Variants in SEMA5A observed in about 807,000 individuals in gnomAD.
The protein encoded by SEMA5A is semaphorin-5A.
SEMA5A carries 55 observed loss-of-function variants against 135.5 expected under a neutral mutation model. That is an observed-to-expected ratio of 0.41 (90% confidence interval 0.33 to 0.51). The LOEUF is 0.51. Ranked by LOEUF, SEMA5A falls within the 20% of genes least tolerant of loss-of-function variation. The pLI, the probability that SEMA5A is intolerant of heterozygous loss-of-function variation, is 0.37. For synonymous variants in SEMA5A, 580 were observed against 546.5 expected (o/e 1.06, Z -0.85); for missense variants, 1,290 against 1,419.9 (o/e 0.91, Z 1.47).
At chr5:9,241,520 A>G (rs564878760) in intron 5 of SEMA5A, among the ~76,000 whole-genome samples, 55 of 151,046 alleles carry the variant, frequency 3.6e-4, no homozygotes, top group African/African-American at 1.3e-3. Context: ...TCTAACTTAT[A>G]ATATCATTAG....
chr5:9,098,094 A>G (rs1739422613), intron 16 of SEMA5A, among the ~76,000 whole-genome samples: 1 of 151,978 alleles, frequency 6.6e-6, no homozygotes, highest in Non-Finnish European at 1.5e-5. Flanking sequence ...AAACATAAAA[A>G]TTAGCTGACT....
intron 16 of SEMA5A, among the ~76,000 whole-genome samples, chr5:9,095,378 C>T (rs1334813389): frequency 1.3e-5 from 2 of 151,958 alleles, no homozygotes; most frequent in Non-Finnish European, 2.9e-5. Context: ...CACATGTACC[C>T]CAGAACTTAA....
chr5:9,160,074 G>T (rs1743168048), intron 11 of SEMA5A, among the ~76,000 whole-genome samples: 1 of 152,104 alleles, frequency 6.6e-6, no homozygotes, highest in Non-Finnish European at 1.5e-5. Context: ...TAAGGGGAAA[G>T]AACTTAGAAG....
chr5:9,162,308 C>T (rs991658379), intron 11 of SEMA5A, among the ~76,000 whole-genome samples: 1 of 151,550 alleles, frequency 6.6e-6, no homozygotes, highest in Non-Finnish European at 1.5e-5. Context: ...CAGGGGAAAT[C>T]AGATGTATTT....
intron 12 of SEMA5A, among the ~76,000 whole-genome samples, chr5:9,151,087 A>G (rs545870548): frequency 2.8e-4 from 42 of 152,318 alleles, no homozygotes; most frequent in African/African-American, 9.1e-4. Context: ...CCTCATCTGA[A>G]CAATGGATAT....
chr5:9,067,857 C>T (rs1347179874), intron 16 of SEMA5A, among the ~76,000 whole-genome samples: 1 of 152,122 alleles, frequency 6.6e-6, no homozygotes, highest in East Asian at 1.9e-4. Context: ...ATATCTTCAT[C>T]TTTTGCTTTA....
At chr5:9,163,714 C>T (rs562413700) in intron 11 of SEMA5A, among the ~76,000 whole-genome samples, 31 of 151,838 alleles carry the variant, frequency 2.0e-4, no homozygotes, top group African/African-American at 7.0e-4. Context: ...AAAATGCAAT[C>T]GTTAGTGTAG....
chr5:9,244,747 T>C (rs1194575729), intron 5 of SEMA5A, among the ~76,000 whole-genome samples: 1 of 152,170 alleles, frequency 6.6e-6, no homozygotes, highest in African/African-American at 2.4e-5. Context: ...CGCTCAGGTG[T>C]CCTTCTAGAG....
At chr5:9,120,874 G>A (rs762960233) in intron 14 of SEMA5A, among the ~76,000 whole-genome samples, 13 of 151,860 alleles carry the variant, frequency 8.6e-5, no homozygotes, top group Non-Finnish European at 1.8e-4. Context: ...CGCCTGCTGG[G>A]TTCAAGAGAT....
intron 5 of SEMA5A, among the ~76,000 whole-genome samples, chr5:9,241,675 C>G (rs1429522255): frequency 6.6e-6 from 1 of 152,070 alleles, no homozygotes; most frequent in Non-Finnish European, 1.5e-5. Context: ...ATCCATTGGA[C>G]CGTGTTGCAC....
At chr5:9,095,956 TA>T (rs1232686864) in intron 16 of SEMA5A, among the ~76,000 whole-genome samples, 14 of 152,232 alleles carry the variant, frequency 9.2e-5, no homozygotes, top group African/African-American at 3.4e-4. Context: ...GTATTGCAAA[TA>T]ATGCTACAGT....
chr5:9,341,112 A>C (rs1753628958), intron 3 of SEMA5A, among the ~76,000 whole-genome samples: 1 of 152,028 alleles, frequency 6.6e-6, no homozygotes, highest in Non-Finnish European at 1.5e-5. Flanking sequence ...TTATAGCTTC[A>C]AAAACCCCAA....
chr5:9,477,905 T>G (rs544844747), intron 1 of SEMA5A, among the ~76,000 whole-genome samples: 1 of 152,282 alleles, frequency 6.6e-6, no homozygotes, highest in East Asian at 1.9e-4. Flanking sequence ...GGAAAACGTC[T>G]CCAAGGCATT....
chr5:9,485,329 GT>G (rs1734642238), intron 1 of SEMA5A, among the ~76,000 whole-genome samples: 1 of 152,124 alleles, frequency 6.6e-6, no homozygotes, highest in African/African-American at 2.4e-5. Context: ...AAGGTGTCAT[GT>G]GGGTCAGAAA....
rs997048760 is a variant in SEMA5A, at chr5:9,053,988, G to A, written c.2689+99C>T. 60 of 1,391,856 alleles carry A rather than the reference G, an allele frequency of 4.3e-5. 1 individual carries two copies. The Admixed American group carries it at 1.3e-3, about 30-fold the overall frequency. The allele number at this position is 1,391,856 out of a possible 1,614,324, so 86.2% of individuals were successfully genotyped here. A position where few individuals can be genotyped will look rare whatever the true frequency, so the allele number is the denominator to read the frequency against. ...TGCTAACTTGCCCACCCCCCTTTCA[G>A]TACTTACCATGATGCAGTATCATCA... On this transcript the variant is annotated intron_variant, in intron 19 of 22. Coordinates refer to ENST00000382496, the MANE Select transcript of SEMA5A (RefSeq NM_003966.3).
At chr5:9,401,442 G>T (rs1193588347) in intron 2 of SEMA5A, among the ~76,000 whole-genome samples, 1 of 152,100 alleles carries the variant, frequency 6.6e-6, no homozygotes, top group African/African-American at 2.4e-5. Context: ...AAGGCCATAT[G>T]TGCCACCTCG....
At chr5:9,464,989 TG>T (rs576769712) in intron 1 of SEMA5A, among the ~76,000 whole-genome samples, 116 of 152,314 alleles carry the variant, frequency 7.6e-4, no homozygotes, top group African/African-American at 2.6e-3. Context: ...AATGCTTCCT[TG>T]AAATGCTTCT....
intron 18 of SEMA5A, among the ~76,000 whole-genome samples, chr5:9,054,671 T>C (rs1474016182): frequency 6.6e-6 from 1 of 152,160 alleles, no homozygotes; most frequent in Non-Finnish European, 1.5e-5. Flanking sequence ...ACCTTTGCCA[T>C]CTAACTAGCC....
At chr5:9,316,867 T>G (rs559953358) in intron 5 of SEMA5A, among the ~76,000 whole-genome samples, 70 of 152,316 alleles carry the variant, frequency 4.6e-4, no homozygotes, top group African/African-American at 1.6e-3. Context: ...TTAGTAGTTA[T>G]AGTCACCATG....
Sources: gnomAD v4.1 joint callset for allele counts (sites outside exome capture counted in the v4.1 genomes callset) on GRCh38, gnomAD v4.1.1 for gene constraint, MANE v1.5 for transcripts, NCBI Gene and HGNC (gene_info 2026-07-23, HGNC 2026-07-21) for gene names.